The following GRK5 variants were observed in gnomAD, a reference collection of about 807,000 sequenced individuals.
GRK5 encodes the protein g protein-coupled receptor kinase GRK5.
GRK5 carries 40 observed loss-of-function variants against 78.4 expected under a neutral mutation model. That is an observed-to-expected ratio of 0.51 (90% CI 0.40 to 0.66). The LOEUF (loss-of-function observed/expected upper bound fraction) is 0.66. Among genes scored for constraint, GRK5 ranks in the 30% least tolerant of loss-of-function variants. The probability of loss-of-function intolerance (pLI) is 0.00; values close to 1 mark genes in which losing one functional copy is unlikely to be tolerated. For missense variants in GRK5, 598 were observed against 759.9 expected (o/e 0.79, Z 2.50); for synonymous variants, 289 against 296.8 (o/e 0.97, Z 0.27).
chr10:119,393,114 G>A (rs1045454066), intron 3 of GRK5, among the ~76,000 whole-genome samples: 2 of 152,236 alleles, frequency 1.3e-5, no homozygotes, highest in Admixed American at 1.3e-4. Context: ...CCCTCAGGGG[G>A]CCACTGTGGA....
Position 119,430,399 on chromosome 10 carries a change from C to A in GRK5, c.558C>A (p.Phe186Leu), listed in dbSNP as rs1406966316. 7.4e-6 allele frequency: 12 copies of A among 1,613,502 alleles called. No individual in the cohort carries two copies. Among genetic ancestry groups the A allele is most frequent in the Non-Finnish European group, 1.0e-5 (12 of 1,179,794 alleles). The change falls in exon 7 of 16, where the codon TTC becomes TTA. Residue 186 changes from phenylalanine (F) to leucine (L), a missense_variant. Coordinates refer to ENST00000392870, the MANE Select transcript of GRK5 (RefSeq NM_005308.3). The surrounding 1 kb of genome is among the most constrained non-coding windows in gnomAD (Gnocchi z 4.5). ...GGCAACCGGTGACCAAAAACACTTT[C>A]AGGCAGTATCGAGTGCTAGGAAAAG... is the stretch of plus-strand genomic sequence containing the variant. Reference protein sequence around the residue: ...LERQPVTKNTFRQYRVLGKGG... With the variant: ...LERQPVTKNTLRQYRVLGKGG...
chr10:119,446,683 C>T (rs1276928406), intron 12 of GRK5, among the ~76,000 whole-genome samples: 4 of 152,152 alleles, frequency 2.6e-5, no homozygotes, highest in Non-Finnish European at 4.4e-5. Flanking sequence ...CCTGGTGGTC[C>T]GTGGGGGCGT....
intron 1 of GRK5, among the ~76,000 whole-genome samples, chr10:119,290,923 G>A (rs1045468753): frequency 2.6e-5 from 4 of 152,146 alleles, no homozygotes; most frequent in African/African-American, 9.7e-5. Context: ...GCCACTGCCT[G>A]TCCAAGTCAG....
chr10:119,452,507 C>T lies in GRK5; in HGVS notation c.1405-164C>T, dbSNP rs149133247. On this transcript the variant is annotated intron_variant, in intron 13 of 15. Coordinates refer to ENST00000392870, the MANE Select transcript of GRK5 (RefSeq NM_005308.3). This position sits in a 1 kb window ranked among gnomAD's most constrained non-coding sequence, Gnocchi z 4.4. ...CACTGGGGCCGACCCCTCCCCTGGACTCACCTGCATCTGAGCCACACACCC... is the reference window on the plus strand; with the variant it reads ...CACTGGGGCCGACCCCTCCCCTGGATTCACCTGCATCTGAGCCACACACCC... 1.4e-4 allele frequency: 101 copies of T among 735,198 alleles called. No individual in the cohort carries two copies. The East Asian group carries it at 2.7e-3, about 20-fold the overall frequency. 45.5% of individuals were successfully genotyped at this position (735,198 alleles called of 1,614,324 possible). A position where few individuals can be genotyped will look rare whatever the true frequency, so the allele number is the denominator to read the frequency against.
At chr10:119,341,880 A>G (rs925506012) in intron 2 of GRK5, among the ~76,000 whole-genome samples, 1 of 152,166 alleles carries the variant, frequency 6.6e-6, no homozygotes, top group Non-Finnish European at 1.5e-5. Flanking sequence ...CAGCTGTCGC[A>G]TGTCAGTTCC....
intron 3 of GRK5, among the ~76,000 whole-genome samples, chr10:119,383,500 C>G (rs1053241446): frequency 6.6e-6 from 1 of 152,238 alleles, no homozygotes; most frequent in African/African-American, 2.4e-5. Flanking sequence ...CTTTTGATGA[C>G]CATGTGGTGA....
intron 3 of GRK5, among the ~76,000 whole-genome samples, chr10:119,387,510 T>C (rs1851820769): frequency 6.6e-6 from 1 of 152,194 alleles, no homozygotes; most frequent in Non-Finnish European, 1.5e-5. Context: ...CCACCTGTCC[T>C]CTCAGCAAGA....
intron 5 of GRK5, 39 bp from the exon 6 acceptor site, chr10:119,424,954 G>T (rs1297890232): frequency 1.4e-6 from 2 of 1,404,094 alleles, no homozygotes; most frequent in Middle Eastern, 1.8e-4. Context: ...TGAAGATCGG[G>T]ATTATAAAAT....
chr10:119,360,919 T>A (rs909513850), intron 2 of GRK5, among the ~76,000 whole-genome samples: 2 of 152,114 alleles, frequency 1.3e-5, no homozygotes, highest in African/African-American at 2.4e-5. Flanking sequence ...AAACGGTGGT[T>A]TCCTCTTGAG....
At chr10:119,260,063 G>A (rs1185775619) in intron 1 of GRK5, among the ~76,000 whole-genome samples, 1 of 151,884 alleles carries the variant, frequency 6.6e-6, no homozygotes, top group Non-Finnish European at 1.5e-5. Flanking sequence ...GCAGTGGAGC[G>A]ATCTCCGTTC....
At chr10:119,407,085 CA>C (rs1206677079) in intron 4 of GRK5, among the ~76,000 whole-genome samples, 12 of 151,916 alleles carry the variant, frequency 7.9e-5, no homozygotes, top group Non-Finnish European at 1.8e-4. Flanking sequence ...AGCGTGCAAA[CA>C]GATAAAAAGA....
Position 119,448,806 on chromosome 10 carries a change from G to C in GRK5, c.1404+546G>C, listed in dbSNP as rs144169626. ...GGTCCCCAGGTCCCCCAGTCGGTGTGTGAGGCAAGATTCCAGCTGAGGTAG... is the reference window on the plus strand; with the variant it reads ...GGTCCCCAGGTCCCCCAGTCGGTGTCTGAGGCAAGATTCCAGCTGAGGTAG... On this transcript the variant is annotated intron_variant, in intron 13 of 15. Transcript: ENST00000392870. Among the ~76,000 whole-genome samples the C allele has an allele frequency of 4.0e-3, 604 of 152,292 alleles. 3 individuals carry two copies. The highest frequency in any genetic ancestry group is 0.014 in the African/African-American group (576 of 41,558).
At chr10:119,210,978 A>G (rs1848476950) in intron 1 of GRK5, among the ~76,000 whole-genome samples, 1 of 152,256 alleles carries the variant, frequency 6.6e-6, no homozygotes, top group Non-Finnish European at 1.5e-5. Context: ...GCATTAATGT[A>G]GCAATAAAAT....
chr10:119,415,993 G>A (rs534462878), intron 4 of GRK5, among the ~76,000 whole-genome samples: 16 of 152,270 alleles, frequency 1.1e-4, no homozygotes, highest in Admixed American at 6.5e-4. Flanking sequence ...CTGTGTTTCT[G>A]GACAGTTCCC....
chr10:119,273,008 C>G (rs1849610339), intron 1 of GRK5, among the ~76,000 whole-genome samples: 1 of 152,204 alleles, frequency 6.6e-6, no homozygotes, highest in Non-Finnish European at 1.5e-5. Context: ...CAAGTCCTCC[C>G]CAGTCCTTCT....
intron 15 of GRK5, among the ~76,000 whole-genome samples, chr10:119,454,080 C>T (rs768086672): frequency 6.6e-6 from 1 of 152,232 alleles, no homozygotes; most frequent in Non-Finnish European, 1.5e-5. Context: ...CTCCTTCCTC[C>T]TCTCCACAAA....
At chr10:119,441,344 C>T (rs1261438057) in intron 10 of GRK5, among the ~76,000 whole-genome samples, 2 of 152,114 alleles carry the variant, frequency 1.3e-5, no homozygotes, top group Non-Finnish European at 2.9e-5. Context: ...GGGAAGGGGA[C>T]GTGTTCCTTC....
At chr10:119,244,052 G>A (rs1051008643) in intron 1 of GRK5, among the ~76,000 whole-genome samples, 4 of 152,212 alleles carry the variant, frequency 2.6e-5, no homozygotes, top group Admixed American at 2.0e-4. Flanking sequence ...TCTATAAAGG[G>A]CAGATGATAA....
At chr10:119,308,682 G>T (rs1230634633) in intron 1 of GRK5, among the ~76,000 whole-genome samples, 1 of 152,220 alleles carries the variant, frequency 6.6e-6, no homozygotes, top group Non-Finnish European at 1.5e-5. Flanking sequence ...GCTTTCTTAC[G>T]CCTCGTTCTG....
Sources: allele counts gnomAD v4.1 joint callset (sites outside exome capture counted in the v4.1 genomes callset), GRCh38; gene constraint gnomAD v4.1.1; non-coding constraint Gnocchi (gnomAD v3.1); transcripts MANE v1.5; gene names NCBI Gene and HGNC (gene_info 2026-07-23, HGNC 2026-07-21).